Variants in NT5DC1 observed in about 807,000 individuals in gnomAD.
NT5DC1 encodes the protein 5'-nucleotidase domain-containing protein 1.
A neutral mutation model predicts 59.4 loss-of-function variants in NT5DC1; 42 were observed. The observed-to-expected ratio is 0.71, with a 90% CI of 0.55 to 0.92. NT5DC1 has a LOEUF of 0.92. Among genes scored for constraint, NT5DC1 ranks in the 40% least tolerant of loss-of-function variants. The pLI is 0.00. For missense variants in NT5DC1, 501 were observed against 537.1 expected (o/e 0.93, Z 0.66); for synonymous variants, 172 against 188.1 (o/e 0.91, Z 0.70).
intron 6 of NT5DC1, among the ~76,000 whole-genome samples, chr6:116,133,882 A>G (rs1223460452): frequency 6.6e-6 from 1 of 152,234 alleles, no homozygotes; most frequent in Non-Finnish European, 1.5e-5. Flanking sequence ...CAAATAGAAA[A>G]TAAAATGTAT....
Position 116,214,808 on chromosome 6 carries a change from C to T in NT5DC1, c.530-6246C>T, listed in dbSNP as rs148566371. 7.5e-3 allele frequency among the ~76,000 whole-genome samples: 1,133 copies of T among 151,078 alleles called. 13 individuals carry two copies. The highest frequency in any genetic ancestry group is 8.9e-3 in the Non-Finnish European group (604 of 67,904). ...TGTGTTGTGCACATGTACCCTAAAACTTAAAGTATAATAAAAAAAAAAAGA... is the reference window on the plus strand; with the variant it reads ...TGTGTTGTGCACATGTACCCTAAAATTTAAAGTATAATAAAAAAAAAAAGA... On this transcript the variant is annotated intron_variant, in intron 6 of 11. Transcript: ENST00000319550.
intron 11 of NT5DC1, among the ~76,000 whole-genome samples, chr6:116,242,800 A>G (rs1363456563): frequency 6.6e-6 from 1 of 152,216 alleles, no homozygotes; most frequent in Non-Finnish European, 1.5e-5. Context: ...GTTTGAGGAG[A>G]CAACCAGCAG....
At chr6:116,240,186 AT>A (rs984178537) in intron 11 of NT5DC1, among the ~76,000 whole-genome samples, 1 of 152,180 alleles carries the variant, frequency 6.6e-6, no homozygotes, top group African/African-American at 2.4e-5. Flanking sequence ...TTTTATGTGA[AT>A]TGTTTTTAGA....
At chr6:116,228,510 A>C (rs1781950469) in intron 8 of NT5DC1, among the ~76,000 whole-genome samples, 1 of 12,434 alleles carries the variant, frequency 8.0e-5, no homozygotes, top group African/African-American at 2.2e-3. Flanking sequence ...CTCCGACTCA[A>C]AAAAAAAAAG....
intron 6 of NT5DC1, among the ~76,000 whole-genome samples, chr6:116,139,017 A>G (rs893981383): frequency 6.6e-6 from 1 of 152,176 alleles, no homozygotes; most frequent in South Asian, 2.1e-4. Context: ...TTAGTAAATG[A>G]TATTTTGATC....
At chr6:116,172,043 A>T (rs2114453241) in intron 6 of NT5DC1, among the ~76,000 whole-genome samples, 1 of 152,138 alleles carries the variant, frequency 6.6e-6, no homozygotes, top group East Asian at 1.9e-4. Context: ...TAGAGAAAAC[A>T]CTCTCACTTC....
In NT5DC1 at chr6:116,140,380, A is replaced by G. The variant is rs377108657; in HGVS notation, c.529+22435A>G. Among the ~76,000 whole-genome samples, 6 of 152,224 alleles carry G rather than the reference A, an allele frequency of 3.9e-5. No individual in the cohort carries two copies. In the East Asian group the frequency reaches 1.2e-3, roughly 29 times the overall value. ...ACATCACACCTCTCTTTTCTGCCTT[A>G]CATTCCTGGTTTCCACAATTTTCAA... On this transcript the variant is annotated intron_variant, in intron 6 of 11. Transcript: ENST00000319550.
chr6:116,165,098 G>GAAAAAAAAAAAAA (rs71554841), intron 6 of NT5DC1, among the ~76,000 whole-genome samples: 4 of 101,050 alleles, frequency 4.0e-5, no homozygotes, highest in African/African-American at 1.6e-4. Flanking sequence ...CTCCGTCTCA[G>GAAAAAAAAAAAAA]AAAAAAAAAA....
At chr6:116,177,955 T>G (rs1419914741) in intron 6 of NT5DC1, among the ~76,000 whole-genome samples, 1 of 152,090 alleles carries the variant, frequency 6.6e-6, no homozygotes, top group Non-Finnish European at 1.5e-5. Flanking sequence ...TTTCATAGTA[T>G]AAAAATACCA....
chr6:116,178,080 TGTGTGTGTGCGC>T (rs771126008), intron 6 of NT5DC1, among the ~76,000 whole-genome samples: 61 of 109,018 alleles, frequency 5.6e-4, no homozygotes, highest in Middle Eastern at 5.0e-3. Flanking sequence ...TGTGTGTGTG[TGTGTGTGTGCGC>T]GCGCGCGCGC....
chr6:116,173,527 G>A (rs553103635), intron 6 of NT5DC1, among the ~76,000 whole-genome samples: 10 of 152,166 alleles, frequency 6.6e-5, no homozygotes, highest in African/African-American at 2.2e-4. Flanking sequence ...GAGGGTTCCC[G>A]CTTTGAGCAA....
chr6:116,158,940 T>C (rs1445970532), intron 6 of NT5DC1, among the ~76,000 whole-genome samples: 1 of 152,206 alleles, frequency 6.6e-6, no homozygotes, highest in Non-Finnish European at 1.5e-5. Flanking sequence ...ATTTCATTTA[T>C]TTGATCCCAT....
intron 6 of NT5DC1, among the ~76,000 whole-genome samples, chr6:116,218,510 C>T (rs1451029585): frequency 2.0e-5 from 3 of 152,138 alleles, no homozygotes; most frequent in African/African-American, 7.2e-5. Context: ...GACACAGCCT[C>T]TGAAATTAGC....
intron 8 of NT5DC1, among the ~76,000 whole-genome samples, chr6:116,224,772 T>C (rs1279493243): frequency 6.6e-6 from 1 of 152,210 alleles, no homozygotes; most frequent in Non-Finnish European, 1.5e-5. Flanking sequence ...TTAAATTTTA[T>C]TCCACAAGTA....
intron 3 of NT5DC1, among the ~76,000 whole-genome samples, chr6:116,108,922 G>A (rs1023528788): frequency 1.3e-5 from 2 of 152,184 alleles, no homozygotes; most frequent in Non-Finnish European, 2.9e-5. Context: ...CCTTTTGGAA[G>A]TTTTTCTGGA....
intron 6 of NT5DC1, among the ~76,000 whole-genome samples, chr6:116,210,544 GGAT>G (rs113449669): frequency 9.2e-5 from 14 of 151,882 alleles, no homozygotes; most frequent in African/African-American, 3.4e-4. Flanking sequence ...TCTGTATCTC[GGAT>G]TTTCAGTTGC....
chr6:116,154,576 C>T (rs1031745156), intron 6 of NT5DC1, among the ~76,000 whole-genome samples: 1 of 151,990 alleles, frequency 6.6e-6, no homozygotes, highest in African/African-American at 2.4e-5. Context: ...TTAAAAAATG[C>T]TAGAACAGTG....
intron 1 of NT5DC1, among the ~76,000 whole-genome samples, chr6:116,101,626 C>A (rs1778658941): frequency 6.6e-6 from 1 of 152,120 alleles, no homozygotes; most frequent in Non-Finnish European, 1.5e-5. Context: ...ATATTTATTG[C>A]GCATCGACTA....
Position 116,248,807 on chromosome 6 carries a change from A to G in NT5DC1, c.*4783A>G, listed in dbSNP as rs887634995. 7 of 152,252 alleles carry G rather than the reference A, an allele frequency of 4.6e-5. No homozygotes were observed. Among genetic ancestry groups the G allele is most frequent in the African/African-American group, 1.7e-4 (7 of 41,458 alleles). The allele number at this position is 152,252 out of a possible 1,614,324, so 9.4% of individuals were successfully genotyped here. The stretch of plus-strand genomic sequence containing the variant: ...AAGGAAGGAAAAGCAATACAAAGAA[A>G]TGGAGCAGGGCTATAGCAGTGAACC... On this transcript the variant is annotated 3_prime_UTR_variant, in exon 12 of 12. Coordinates refer to ENST00000319550, the MANE Select transcript of NT5DC1 (RefSeq NM_152729.3).
Sources: gnomAD v4.1 joint callset for allele counts (sites outside exome capture counted in the v4.1 genomes callset) on GRCh38, gnomAD v4.1.1 for gene constraint, MANE v1.5 for transcripts, NCBI Gene and HGNC (gene_info 2026-07-23, HGNC 2026-07-21) for gene names.